RASA2: variants seen among roughly 807,000 people sequenced by gnomAD.
RASA2 encodes the protein RAS p21 protein activator 2.
Under a neutral mutation model 118.2 loss-of-function variants are expected in RASA2, and 155 were observed. The ratio of observed to expected loss-of-function variants is 1.31; its 90% CI spans 1.15 to 1.50. The LOEUF is 1.50. RASA2 is among the 40% of genes most tolerant of loss of function. RASA2 has a pLI of 0.00. For synonymous variants in RASA2, 353 were observed against 349.1 expected, an observed-to-expected ratio of 1.01 and a Z score of -0.12; for missense variants, 1,016 against 1,009.6, an observed-to-expected ratio of 1.01 and a Z score of -0.09.
Position 141,529,301 on chromosome 3 carries a change from C to T in RASA2, c.356-407C>T, listed in dbSNP as rs141600414. Among the ~76,000 whole-genome samples, 155 of 152,172 alleles carry T rather than the reference C, an allele frequency of 1.0e-3. 2 individuals are homozygous for T. The highest frequency in any genetic ancestry group is 7.9e-3 in the Admixed American group (121 of 15,286). ...GGAATTTATAAACTCTTACTAAATG[C>T]AGATACATCTGCTCAAAACTTGTCA... On this transcript the variant is annotated intron_variant, in intron 3 of 23. Transcript: ENST00000286364.
intron 19 of RASA2, among the ~76,000 whole-genome samples, chr3:141,598,676 G>A (rs950548914): frequency 3.9e-5 from 6 of 152,128 alleles, no homozygotes; most frequent in African/African-American, 1.2e-4. Flanking sequence ...GGATAAATAT[G>A]TACAAATCAA....
chr3:141,514,923 A>T (rs2082000933), intron 2 of RASA2, among the ~76,000 whole-genome samples: 1 of 152,220 alleles, frequency 6.6e-6, no homozygotes. Flanking sequence ...ATACTATATG[A>T]TTCTATTTAT....
At chr3:141,498,229 C>T (rs2081731329) in intron 1 of RASA2, among the ~76,000 whole-genome samples, 1 of 152,134 alleles carries the variant, frequency 6.6e-6, no homozygotes, top group Non-Finnish European at 1.5e-5. Flanking sequence ...AAGCAACAGA[C>T]AGAGGTTATT....
At chr3:141,609,658 A>C (rs905001949) in intron 22 of RASA2, 135 bp downstream of exon 22, 1 of 820,174 alleles carries the variant, frequency 1.2e-6, no homozygotes, top group African/African-American at 1.8e-5. Flanking sequence ...TGACAAACCC[A>C]CAGAGAGGCA....
chr3:141,562,400 G>T (rs2082744703), intron 9 of RASA2, among the ~76,000 whole-genome samples: 1 of 148,400 alleles, frequency 6.7e-6, no homozygotes, highest in African/African-American at 2.4e-5. Context: ...AAGGCAGGCG[G>T]ATCATGAGGT....
At chr3:141,501,428 T>C (rs1044821407) in intron 1 of RASA2, among the ~76,000 whole-genome samples, 1 of 152,214 alleles carries the variant, frequency 6.6e-6, no homozygotes, top group East Asian at 1.9e-4. Context: ...TTACTATCCA[T>C]TGAATATTTA....
At position 141,608,600 on chromosome 3, in the gene RASA2, A is replaced by C; in HGVS notation, c.2128A>C (p.Arg710=). Residue 710 remains arginine (R), a synonymous_variant, in exon 21 of 24, where the codon AGG becomes CGG. Transcript: ENST00000286364. ...CAGGGTGAGCCGATGCAATCAAAAC[A>C]GGCTCAGTTTTTATCATCCCTCTGT... The part of the protein sequence containing the change: ...LCRVSRCNQN[R]LSFYHPSVYL... The C allele has an allele frequency of 6.2e-7, 1 of 1,613,908 alleles. No individual in the cohort carries two copies. Among genetic ancestry groups the C allele is most frequent in the Non-Finnish European group, 8.5e-7 (1 of 1,179,828 alleles).
At chr3:141,491,866 G>A (rs2081643591) in intron 1 of RASA2, among the ~76,000 whole-genome samples, 2 of 152,128 alleles carry the variant, frequency 1.3e-5, no homozygotes, top group African/African-American at 4.8e-5. Context: ...GACATGACAG[G>A]TTTGAATAAA....
At chr3:141,560,296 T>G (rs2082712795) in intron 9 of RASA2, among the ~76,000 whole-genome samples, 1 of 152,188 alleles carries the variant, frequency 6.6e-6, no homozygotes, top group Admixed American at 6.5e-5. Flanking sequence ...GAGTTGTTCA[T>G]GTAAGAAAAC....
At chr3:141,496,158 A>G (rs1399239350) in intron 1 of RASA2, among the ~76,000 whole-genome samples, 4 of 152,244 alleles carry the variant, frequency 2.6e-5, no homozygotes, top group African/African-American at 9.6e-5. Context: ...ACCTTGTACA[A>G]AAATTAATTC....
At chr3:141,584,535 C>T (rs553100803) in intron 17 of RASA2, among the ~76,000 whole-genome samples, 1 of 151,962 alleles carries the variant, frequency 6.6e-6, no homozygotes, top group South Asian at 2.1e-4. Context: ...TTATAAATGG[C>T]GATTAGATTT....
chr3:141,508,764 G>A (rs1031668572), intron 1 of RASA2, among the ~76,000 whole-genome samples: 1 of 152,020 alleles, frequency 6.6e-6, no homozygotes, highest in Non-Finnish European at 1.5e-5. Flanking sequence ...GTTGAAGGGA[G>A]CACTTGAAAG....
chr3:141,595,712 T>G (rs939115088), intron 19 of RASA2, among the ~76,000 whole-genome samples: 1 of 152,168 alleles, frequency 6.6e-6, no homozygotes, highest in Admixed American at 6.5e-5. Flanking sequence ...CACTGCAGCC[T>G]TGACCTCCTG....
At chr3:141,586,995 TA>T in intron 19 of RASA2, 1 of 495,750 alleles carries the variant, frequency 2.0e-6, no homozygotes, top group South Asian at 2.0e-5. Context: ...CTCTGTTTTC[TA>T]AAAATCCATA....
At chr3:141,576,065 C>T (rs1391332545) in intron 14 of RASA2, among the ~76,000 whole-genome samples, 1 of 152,194 alleles carries the variant, frequency 6.6e-6, no homozygotes, top group African/African-American at 2.4e-5. Flanking sequence ...GCGTGGGCCA[C>T]CGCGCCCGGC....
chr3:141,529,736 G>A lies in RASA2; in HGVS notation c.384G>A (p.Leu128=). ...IGKVAIKKED[L]CNHSGKETWF... ...AAGTAGCCATCAAAAAAGAAGACTTGTGTAATCACAGTGGCAAAGAAACTT... is the reference window on the plus strand; with the variant it reads ...AAGTAGCCATCAAAAAAGAAGACTTATGTAATCACAGTGGCAAAGAAACTT... Residue 128 remains leucine (L), a synonymous_variant, in exon 4 of 24, where the codon TTG becomes TTA. Transcript: ENST00000286364. 1 of 1,611,818 alleles carries A rather than the reference G, an allele frequency of 6.2e-7. No homozygotes were observed. The highest frequency in any genetic ancestry group is 1.7e-4 in the Middle Eastern group (1 of 6,038).
At chr3:141,595,239 A>G (rs1005772847) in intron 19 of RASA2, among the ~76,000 whole-genome samples, 2 of 152,246 alleles carry the variant, frequency 1.3e-5, no homozygotes, top group African/African-American at 4.8e-5. Flanking sequence ...TAACAAAATG[A>G]TAGCTTAAAC....
At position 141,490,625 on chromosome 3, in the gene RASA2, A is replaced by C. The variant is rs574322531; in HGVS notation, c.133+3409A>C. ...TGTGGTACAGTGCGAGATCTGTGGG[A>C]CTATGTGTTCCAAAACTCACTTAGT... On this transcript the variant is annotated intron_variant, in intron 1 of 23. Coordinates refer to ENST00000286364, the MANE Select transcript of RASA2 (RefSeq NM_006506.5). 3.9e-5 allele frequency among the ~76,000 whole-genome samples: 6 copies of C among 152,270 alleles called. No individual in the cohort carries two copies. The South Asian group carries it at 1.2e-3, about 32-fold the overall frequency.
intron 10 of RASA2, 66 bp from the exon 11 acceptor site, chr3:141,571,340 T>A (rs1445573233): frequency 6.5e-7 from 1 of 1,545,964 alleles, no homozygotes; most frequent in Non-Finnish European, 8.8e-7. Flanking sequence ...TTTTACAGGC[T>A]AGTGATTGAA....
Sources: gnomAD v4.1 joint callset for allele counts (sites outside exome capture counted in the v4.1 genomes callset) on GRCh38, gnomAD v4.1.1 for gene constraint, MANE v1.5 for transcripts, NCBI Gene and HGNC (gene_info 2026-07-23, HGNC 2026-07-21) for gene names.